Variants in ITPR2 observed in about 807,000 individuals in gnomAD.
ITPR2 encodes the protein inositol 1,4,5-trisphosphate-gated calcium channel ITPR2.
In ITPR2, 207 loss-of-function variants were observed where a neutral mutation model predicts 317.1. That is an observed-to-expected ratio of 0.65 (90% confidence interval 0.58 to 0.73). The LOEUF is 0.73. ITPR2 is among the 30% of genes least tolerant of loss of function. The pLI, the probability that ITPR2 is intolerant of heterozygous loss-of-function variation, is 0.00. For synonymous variants in ITPR2, 1,156 were observed against 1,149.1 expected (o/e 1.01, Z -0.12); for missense variants, 2,613 against 3,284.0 (o/e 0.80, Z 4.99).
At chr12:26,469,204 C>T (rs61913999) in intron 45 of ITPR2, among the ~76,000 whole-genome samples, 3,352 of 152,186 alleles carry the variant, frequency 0.022, 157 homozygotes, top group East Asian at 0.21. Context: ...GTCATCTTTC[C>T]ATCTTAGAAA....
chr12:26,474,272 A>G (rs1179820192), intron 45 of ITPR2, among the ~76,000 whole-genome samples: 2 of 152,236 alleles, frequency 1.3e-5, no homozygotes, highest in East Asian at 3.8e-4. Context: ...AATGATGAGA[A>G]AGAAAGATAG....
At chr12:26,708,320 A>G (rs1460480407) in intron 9 of ITPR2, among the ~76,000 whole-genome samples, 2 of 152,236 alleles carry the variant, frequency 1.3e-5, no homozygotes, top group Admixed American at 1.3e-4. Context: ...AGCACTACAC[A>G]CAATAGCCAA....
chr12:26,748,538 A>C (rs1262222206), intron 2 of ITPR2, among the ~76,000 whole-genome samples: 1 of 152,216 alleles, frequency 6.6e-6, no homozygotes, highest in Non-Finnish European at 1.5e-5. Flanking sequence ...TCTGAATTTC[A>C]GATATGTATC....
Position 26,580,139 on chromosome 12 carries a change from G to A in ITPR2, c.4397C>T (p.Thr1466Ile). ...VDMARVCNTT[T>I]DRKHADIFLE... ...AAAGATGTCTGCATGTTTCCTGTCTGTAGTTGTGTTGCAAACCTGGAGAGA... is the reference window on the plus strand; with the variant it reads ...AAAGATGTCTGCATGTTTCCTGTCTATAGTTGTGTTGCAAACCTGGAGAGA... Residue 1466 changes from threonine to isoleucine, a missense_variant, in exon 33 of 57, where the codon ACA becomes ATA. Around this residue, in one of 9 missense-constraint regions of ITPR2, gnomAD observed 926 missense variants for 1,072.8 expected, o/e 0.86. Coordinates refer to ENST00000381340, the MANE Select transcript of ITPR2 (RefSeq NM_002223.4). 1 of 1,611,528 alleles carries A rather than the reference G, an allele frequency of 6.2e-7. No homozygotes were observed. The highest frequency in any genetic ancestry group is 8.5e-7 in the Non-Finnish European group (1 of 1,178,446).
intron 37 of ITPR2, among the ~76,000 whole-genome samples, chr12:26,535,771 T>C (rs1328382545): frequency 6.6e-6 from 1 of 152,178 alleles, no homozygotes; most frequent in Non-Finnish European, 1.5e-5. Flanking sequence ...ACTTTTAAAA[T>C]AAGAATTTTT....
intron 9 of ITPR2, among the ~76,000 whole-genome samples, chr12:26,701,295 A>G (rs1948441483): frequency 6.6e-6 from 1 of 152,224 alleles, no homozygotes; most frequent in Non-Finnish European, 1.5e-5. Flanking sequence ...TATTTTCTTA[A>G]AAGAGAAGCT....
chr12:26,457,169 C>T (rs373632986), intron 45 of ITPR2, among the ~76,000 whole-genome samples: 3 of 152,040 alleles, frequency 2.0e-5, no homozygotes, highest in South Asian at 2.1e-4. Flanking sequence ...AAGCGGAGGA[C>T]GGAAGCAATG....
At chr12:26,566,258 GGGAGAGGAGAA>G (rs1465898923) in intron 34 of ITPR2, among the ~76,000 whole-genome samples, 10 of 127,244 alleles carry the variant, frequency 7.9e-5, no homozygotes, top group South Asian at 3.0e-4. Flanking sequence ...TGAGAGGAGA[GGGAGAGGAGAA>G]GGAGAGGAGA....
chr12:26,666,135 G>GAGGTAGATAGATAGAT (rs1947623852), intron 13 of ITPR2, 84 bp from the exon 14 acceptor site: 4 of 411,772 alleles, frequency 9.7e-6, no homozygotes, highest in Non-Finnish European at 1.7e-5. Context: ...TAGGTAGGTA[G>GAGGTAGATAGATAGAT]AGATAGATAG....
chr12:26,671,955 G>A (rs1461848433), intron 13 of ITPR2, among the ~76,000 whole-genome samples: 1 of 151,982 alleles, frequency 6.6e-6, no homozygotes, highest in Non-Finnish European at 1.5e-5. Context: ...GACAAAGAAG[G>A]CCATTACATA....
intron 38 of ITPR2, 124 bp from the exon 39 acceptor site, chr12:26,494,464 A>T (rs1942886403): frequency 9.2e-6 from 6 of 651,104 alleles, no homozygotes; most frequent in Non-Finnish European, 1.4e-5. Context: ...TTTCCCTACA[A>T]AGTTAAATAT....
chr12:26,381,108 G>T (rs996735666), intron 55 of ITPR2, among the ~76,000 whole-genome samples: 1 of 152,206 alleles, frequency 6.6e-6, no homozygotes, highest in Non-Finnish European at 1.5e-5. Flanking sequence ...CTGGGTTGGA[G>T]AGACACGATG....
chr12:26,598,241 AT>A (rs1288337540), intron 30 of ITPR2, among the ~76,000 whole-genome samples: 2 of 152,256 alleles, frequency 1.3e-5, no homozygotes, highest in African/African-American at 4.8e-5. Context: ...TTTAATAACA[AT>A]AATTTACATT....
intron 55 of ITPR2, among the ~76,000 whole-genome samples, chr12:26,354,832 C>T (rs545206499): frequency 2.6e-5 from 4 of 152,066 alleles, no homozygotes; most frequent in African/African-American, 9.7e-5. Context: ...TCTAACACGC[C>T]CAGCTAATTT....
intron 55 of ITPR2, among the ~76,000 whole-genome samples, chr12:26,347,274 G>A (rs1650003320): frequency 1.3e-5 from 2 of 152,146 alleles, no homozygotes; most frequent in African/African-American, 4.8e-5. Flanking sequence ...GCTTATGTTA[G>A]GCGAACATTG....
At chr12:26,517,536 G>C (rs1330314111) in intron 37 of ITPR2, among the ~76,000 whole-genome samples, 1 of 152,118 alleles carries the variant, frequency 6.6e-6, no homozygotes, top group African/African-American at 2.4e-5. Context: ...TTATTAAAAA[G>C]TGAAAAACTA....
intron 37 of ITPR2, among the ~76,000 whole-genome samples, chr12:26,534,857 T>A (rs957778099): frequency 1.3e-5 from 2 of 152,214 alleles, no homozygotes; most frequent in Non-Finnish European, 2.9e-5. Context: ...TAGCTTCACA[T>A]GAACTGAGGA....
chr12:26,503,190 AACAC>A (rs57271500), intron 37 of ITPR2, among the ~76,000 whole-genome samples: 11 of 139,120 alleles, frequency 7.9e-5, no homozygotes, highest in Admixed American at 2.2e-4. Context: ...GCCCCCCACC[AACAC>A]ACACACACAC....
Position 26,681,950 on chromosome 12 carries a change from CA to C in ITPR2, c.1332del (p.Phe444LeufsTer9). 6.2e-7 allele frequency: 1 copy of C among 1,613,592 alleles called. No individual in the cohort carries two copies. Among genetic ancestry groups the C allele is most frequent in the Non-Finnish European group, 8.5e-7 (1 of 1,179,578 alleles). On this transcript the variant is annotated frameshift_variant, in exon 13 of 57. Transcript: ENST00000381340. LOFTEE classifies it high-confidence loss of function. ...VPLSEVRDLD[F>X]ANDANKVLAT... ...GCTAGTACTTTATTGGCATCATTGG[CA>C]AAGTCTAAGTCTCGAACTTCAGACA...
Sources: gnomAD v4.1 joint callset for allele counts (sites outside exome capture counted in the v4.1 genomes callset) on GRCh38, gnomAD v4.1.1 for gene constraint, gnomAD v4.1.1 regional missense constraint, MANE v1.5 for transcripts, NCBI Gene and HGNC (gene_info 2026-07-23, HGNC 2026-07-21) for gene names.